Variants in MDGA2 observed in about 807,000 individuals in gnomAD.
The protein encoded by MDGA2 is MAM domain-containing glycosylphosphatidylinositol anchor protein 2.
A neutral mutation model predicts 117.8 loss-of-function variants in MDGA2; 40 were observed. The observed-to-expected ratio is 0.34, with a 90% CI of 0.26 to 0.44. MDGA2 has a LOEUF of 0.44. Among genes scored for constraint, MDGA2 ranks in the 20% least tolerant of loss-of-function variants. The pLI, the probability that MDGA2 is intolerant of heterozygous loss-of-function variation, is 1.00. For missense variants in MDGA2, 1,123 were observed against 1,250.6 expected (o/e 0.90, Z 1.54); for synonymous variants, 452 against 439.0 (o/e 1.03, Z -0.37).
intron 9 of MDGA2, among the ~76,000 whole-genome samples, chr14:46,951,109 A>G (rs551057174): frequency 7.4e-4 from 113 of 152,120 alleles, no homozygotes; most frequent in Non-Finnish European, 1.5e-3. Context: ...AAAGGAAAAT[A>G]CAGGATGTGA....
At chr14:47,467,022 C>T (rs10220430) in intron 1 of MDGA2, among the ~76,000 whole-genome samples, 39,712 of 151,792 alleles carry the variant, frequency 0.26, 5,763 homozygotes, top group South Asian at 0.52. Flanking sequence ...AGGCAGTGAA[C>T]TGAAGTAATT....
intron 9 of MDGA2, among the ~76,000 whole-genome samples, chr14:46,936,765 T>C (rs1253506253): frequency 1.3e-5 from 2 of 150,642 alleles, no homozygotes; most frequent in Non-Finnish European, 3.0e-5. Context: ...ATAAATTAGG[T>C]ATAGAAGGCC....
intron 6 of MDGA2, among the ~76,000 whole-genome samples, chr14:47,077,143 C>T (rs185516208): frequency 6.6e-6 from 1 of 152,146 alleles, no homozygotes; most frequent in East Asian, 1.9e-4. Flanking sequence ...CACTACTGAA[C>T]AGCACAGTTA....
chr14:47,153,712 A>T lies in MDGA2; in HGVS notation c.596-9438T>A, dbSNP rs553206851. ...CAAAAAAAGAAAAGAAAAGAAATAAAAAAAAAAAAAAAACAGTTGGGCGGG... is the reference window on the plus strand; with the variant it reads ...CAAAAAAAGAAAAGAAAAGAAATAATAAAAAAAAAAAAACAGTTGGGCGGG... On this transcript the variant is annotated intron_variant, in intron 3 of 16. Transcript: ENST00000399232. Among the ~76,000 whole-genome samples the T allele has an allele frequency of 3.1e-3, 467 of 151,668 alleles. 4 individuals carry two copies. Among genetic ancestry groups the T allele is most frequent in the African/African-American group, 0.01 (422 of 41,410 alleles).
chr14:46,924,262 T>C (rs558246009), intron 9 of MDGA2, among the ~76,000 whole-genome samples: 1 of 152,164 alleles, frequency 6.6e-6, no homozygotes, highest in East Asian at 1.9e-4. Flanking sequence ...CAAAATGGTT[T>C]TGAAAAATGA....
At chr14:47,040,427 A>T (rs1889023476) in intron 7 of MDGA2, among the ~76,000 whole-genome samples, 1 of 152,158 alleles carries the variant, frequency 6.6e-6, no homozygotes, top group Admixed American at 6.6e-5. Context: ...AAATTTTTAA[A>T]ATGTTAATTC....
intron 1 of MDGA2, among the ~76,000 whole-genome samples, chr14:47,491,271 C>T (rs1894163798): frequency 6.6e-6 from 1 of 152,054 alleles, no homozygotes; most frequent in Non-Finnish European, 1.5e-5. Context: ...AAGAAGAGCA[C>T]AACTGGCCCT....
At chr14:46,856,792 T>TA (rs1046549991) in intron 14 of MDGA2, among the ~76,000 whole-genome samples, 3 of 152,042 alleles carry the variant, frequency 2.0e-5, no homozygotes, top group South Asian at 2.1e-4. Context: ...TCAGGATTTA[T>TA]AAAAAAATAA....
intron 9 of MDGA2, among the ~76,000 whole-genome samples, chr14:46,933,790 T>C (rs1884668885): frequency 7.3e-6 from 1 of 136,434 alleles, no homozygotes; most frequent in Admixed American, 7.2e-5. Context: ...TCTACTGGTT[T>C]ATGTAACAAA....
intron 3 of MDGA2, among the ~76,000 whole-genome samples, chr14:47,189,058 C>T (rs1284232291): frequency 6.6e-6 from 1 of 152,104 alleles, no homozygotes; most frequent in Non-Finnish European, 1.5e-5. Flanking sequence ...TTGGTGACAG[C>T]TCACTTAATT....
chr14:47,333,212 C>A (rs1161090246), intron 1 of MDGA2, among the ~76,000 whole-genome samples: 1 of 151,872 alleles, frequency 6.6e-6, no homozygotes, highest in African/African-American at 2.4e-5. Flanking sequence ...TTTGAGAAAT[C>A]TCCATACTGT....
At chr14:47,179,343 A>G (rs1884605380) in intron 3 of MDGA2, among the ~76,000 whole-genome samples, 1 of 151,970 alleles carries the variant, frequency 6.6e-6, no homozygotes, top group Non-Finnish European at 1.5e-5. Flanking sequence ...TCTTCTATTT[A>G]TATTTACACT....
chr14:47,342,294 A>G (rs1302240535), intron 1 of MDGA2, among the ~76,000 whole-genome samples: 1 of 148,134 alleles, frequency 6.8e-6, no homozygotes, highest in Non-Finnish European at 1.5e-5. Context: ...AATATGTTAT[A>G]TATATAAATA....
chr14:47,477,540 T>G (rs1010231918), intron 1 of MDGA2, among the ~76,000 whole-genome samples: 1 of 152,214 alleles, frequency 6.6e-6, no homozygotes, highest in African/African-American at 2.4e-5. Flanking sequence ...AACTCTGATT[T>G]TTGCTTTATG....
intron 4 of MDGA2, among the ~76,000 whole-genome samples, chr14:47,132,737 T>A (rs1301081400): frequency 6.6e-6 from 1 of 151,940 alleles, no homozygotes; most frequent in Non-Finnish European, 1.5e-5. Context: ...CTTATTTTAA[T>A]GGCAAAACAG....
intron 2 of MDGA2, among the ~76,000 whole-genome samples, chr14:47,243,236 A>G (rs1887122280): frequency 6.6e-6 from 1 of 151,388 alleles, no homozygotes; most frequent in South Asian, 2.1e-4. Flanking sequence ...CTATCTAACT[A>G]ATCTGGTGGG....
intron 1 of MDGA2, among the ~76,000 whole-genome samples, chr14:47,657,117 G>A (rs1424099004): frequency 1.3e-5 from 2 of 152,116 alleles, no homozygotes; most frequent in Admixed American, 1.3e-4. Context: ...GCCTCCAGAT[G>A]TCAAGTCATC....
chr14:47,345,212 A>G (rs1459033059), intron 1 of MDGA2, among the ~76,000 whole-genome samples: 1 of 152,112 alleles, frequency 6.6e-6, no homozygotes, highest in East Asian at 1.9e-4. Flanking sequence ...AGTTCTGAAT[A>G]CTAAATGTTC....
intron 1 of MDGA2, among the ~76,000 whole-genome samples, chr14:47,393,375 GA>G (rs1201953442): frequency 7.2e-6 from 1 of 139,750 alleles, no homozygotes; most frequent in Non-Finnish European, 1.5e-5. Context: ...TCAATTTTGG[GA>G]AAATTTTAAA....
Sources: allele counts gnomAD v4.1 joint callset (sites outside exome capture counted in the v4.1 genomes callset), GRCh38; gene constraint gnomAD v4.1.1; transcripts MANE v1.5; gene names NCBI Gene and HGNC (gene_info 2026-07-23, HGNC 2026-07-21).